Variants in UNC13C observed in about 807,000 individuals in gnomAD.
UNC13C encodes unc-13 homolog C.
A neutral mutation model predicts 245.4 loss-of-function variants in UNC13C; 174 were observed. That is an observed-to-expected ratio of 0.71 (90% confidence interval 0.63 to 0.80). The LOEUF is 0.80. Ranked by LOEUF, UNC13C falls within the 30% of genes least tolerant of loss-of-function variation. The pLI, the probability that UNC13C is intolerant of heterozygous loss-of-function variation, is 0.00. For synonymous variants in UNC13C, 992 were observed against 895.1 expected (o/e 1.11, Z -1.93); for missense variants, 2,829 against 2,602.9 (o/e 1.09, Z -1.89).
intron 17 of UNC13C, among the ~76,000 whole-genome samples, chr15:54,351,300 A>G (rs776321360): frequency 5.9e-5 from 9 of 152,212 alleles, no homozygotes; most frequent in Non-Finnish European, 1.3e-4. Flanking sequence ...GATACGTGAC[A>G]TTAAGCAACT....
intron 2 of UNC13C, among the ~76,000 whole-genome samples, chr15:54,078,247 C>T (rs1171254476): frequency 1.3e-5 from 2 of 152,168 alleles, no homozygotes; most frequent in Admixed American, 1.3e-4. Flanking sequence ...TTGATGGACA[C>T]GTAGGTTGAT....
At chr15:54,209,918 G>C (rs2034827995) in intron 4 of UNC13C, among the ~76,000 whole-genome samples, 1 of 151,944 alleles carries the variant, frequency 6.6e-6, no homozygotes, top group African/African-American at 2.4e-5. Flanking sequence ...AAAAGTATCT[G>C]GTAGATGTTA....
At chr15:54,513,715 G>C (rs959447888) in intron 24 of UNC13C, among the ~76,000 whole-genome samples, 1 of 152,056 alleles carries the variant, frequency 6.6e-6, no homozygotes, top group African/African-American at 2.4e-5. Flanking sequence ...CCTCAGACAC[G>C]ATTTAAGAAG....
intron 4 of UNC13C, among the ~76,000 whole-genome samples, chr15:54,190,000 A>G (rs182127301): frequency 9.4e-4 from 143 of 152,312 alleles, no homozygotes; most frequent in African/African-American, 3.4e-3. Context: ...TTGCATTTAT[A>G]AAAGGTTTTA....
intron 4 of UNC13C, among the ~76,000 whole-genome samples, chr15:54,184,239 C>G (rs577080576): frequency 1.9e-4 from 29 of 151,724 alleles, no homozygotes; most frequent in Admixed American, 3.9e-4. Context: ...TATCCATTTG[C>G]TTTGTAGTTT....
intron 17 of UNC13C, among the ~76,000 whole-genome samples, chr15:54,344,806 G>C (rs1174422876): frequency 6.6e-6 from 1 of 152,044 alleles, no homozygotes; most frequent in Admixed American, 6.5e-5. Flanking sequence ...AATATATCCA[G>C]AATCAGACCA....
the UNC13C span, among the ~76,000 whole-genome samples, chr15:53,879,028 C>A: frequency 3.9e-5 from 6 of 152,096 alleles, no homozygotes; most frequent in Non-Finnish European, 8.8e-5. Flanking sequence ...CCTGCAAATT[C>A]TTTTTATGAT....
Position 54,265,405 on chromosome 15 carries a change from C to G in UNC13C, c.3727C>G (p.Pro1243Ala), listed in dbSNP as rs1298630858. The change falls in exon 10 of 33, where the codon CCA (proline) becomes GCA (alanine). Residue 1243 changes from proline to alanine, a missense_variant. Transcript: ENST00000260323. Reference protein sequence around the residue: ...QAKDKTGSSDPYVTVQVGKNK... With the variant: ...QAKDKTGSSDAYVTVQVGKNK... Reference sequence around the variant, plus strand: ...AAAAGATAAAACAGGGTCTAGTGATCCATATGTTACAGTTCAAGTTGGAAA... The same window carrying G: ...AAAAGATAAAACAGGGTCTAGTGATGCATATGTTACAGTTCAAGTTGGAAA... 1 of 1,587,444 alleles carries G rather than the reference C, an allele frequency of 6.3e-7. No homozygotes were observed. Among genetic ancestry groups the G allele is most frequent in the Admixed American group, 1.7e-5 (1 of 57,268 alleles).
At chr15:54,435,583 G>A (rs1017258223) in intron 19 of UNC13C, among the ~76,000 whole-genome samples, 10 of 151,360 alleles carry the variant, frequency 6.6e-5, no homozygotes, top group Non-Finnish European at 1.3e-4. Context: ...CTCGGTGGGT[G>A]GGGGTGGGGG....
chr15:54,297,010 G>T (rs555220881), intron 11 of UNC13C, among the ~76,000 whole-genome samples: 26 of 152,284 alleles, frequency 1.7e-4, no homozygotes, highest in African/African-American at 6.3e-4. Context: ...TTAGCCTAGG[G>T]TATAGACTGT....
chr15:54,199,869 C>G (rs1257414298), intron 4 of UNC13C, among the ~76,000 whole-genome samples: 1 of 151,972 alleles, frequency 6.6e-6, no homozygotes, highest in African/African-American at 2.4e-5. Flanking sequence ...TGTAAATGGC[C>G]TAAATGTTCT....
the UNC13C span, among the ~76,000 whole-genome samples, chr15:53,941,580 C>G: frequency 6.6e-6 from 1 of 151,818 alleles, no homozygotes; most frequent in Non-Finnish European, 1.5e-5. Context: ...CTACAAGGAA[C>G]TTACAAAAAA....
chr15:54,226,934 T>C (rs551022284), intron 4 of UNC13C, among the ~76,000 whole-genome samples: 1 of 152,198 alleles, frequency 6.6e-6, no homozygotes, highest in Non-Finnish European at 1.5e-5. Context: ...GGGCAGCAGC[T>C]CTTCTCCTTC....
the UNC13C span, among the ~76,000 whole-genome samples, chr15:53,893,225 A>T: frequency 6.6e-6 from 1 of 152,150 alleles, no homozygotes; most frequent in Non-Finnish European, 1.5e-5. Context: ...TTTCTCTGGA[A>T]GCTTTGTCCC....
intron 12 of UNC13C, among the ~76,000 whole-genome samples, chr15:54,299,569 G>A (rs1415488996): frequency 6.6e-6 from 1 of 152,116 alleles, no homozygotes; most frequent in Non-Finnish European, 1.5e-5. Context: ...GGTTTGGTAT[G>A]TACAAAATAT....
chr15:54,430,868 G>A (rs2040857140), intron 19 of UNC13C, among the ~76,000 whole-genome samples: 1 of 151,682 alleles, frequency 6.6e-6, no homozygotes, highest in Non-Finnish European at 1.5e-5. Flanking sequence ...ATGTAACTGA[G>A]GGAACAGTTG....
At chr15:54,036,234 T>G (rs1228047652) in intron 2 of UNC13C, among the ~76,000 whole-genome samples, 2 of 152,146 alleles carry the variant, frequency 1.3e-5, no homozygotes, top group Non-Finnish European at 2.9e-5. Flanking sequence ...GCTGAAGATG[T>G]CTCTATAATG....
intron 1 of UNC13C, among the ~76,000 whole-genome samples, chr15:53,998,093 A>C (rs1894716728): frequency 6.6e-6 from 1 of 151,926 alleles, no homozygotes; most frequent in African/African-American, 2.4e-5. Context: ...ATGAGCCACC[A>C]CTCCTGGCCC....
At chr15:54,491,845 C>G (rs1893721095) in intron 19 of UNC13C, among the ~76,000 whole-genome samples, 1 of 151,994 alleles carries the variant, frequency 6.6e-6, no homozygotes, top group African/African-American at 2.4e-5. Context: ...AAAAAATTAG[C>G]CGGGCGTGGT....
Sources: allele counts gnomAD v4.1 joint callset (sites outside exome capture counted in the v4.1 genomes callset), GRCh38; gene constraint gnomAD v4.1.1; transcripts MANE v1.5; gene names NCBI Gene and HGNC (gene_info 2026-07-23, HGNC 2026-07-21).